LTBP1: variants seen among roughly 807,000 people sequenced by gnomAD.
LTBP1 encodes the protein latent-transforming growth factor beta-binding protein 1.
LTBP1 carries 129 observed loss-of-function variants against 207.6 expected under a neutral mutation model. The ratio of observed to expected loss-of-function variants is 0.62; its 90% CI spans 0.54 to 0.72. The LOEUF (loss-of-function observed/expected upper bound fraction) is 0.72. Ranked by LOEUF, LTBP1 falls within the 30% of genes least tolerant of loss-of-function variation. The pLI, the probability that LTBP1 is intolerant of heterozygous loss-of-function variation, is 0.00. For missense variants in LTBP1, 2,281 were observed against 2,217.2 expected, an observed-to-expected ratio of 1.03 and a Z score of -0.58; for synonymous variants, 963 against 833.7, an observed-to-expected ratio of 1.16 and a Z score of -2.67.
chr2:33,125,628 C>T (rs151281124), intron 4 of LTBP1, among the ~76,000 whole-genome samples: 2 of 152,024 alleles, frequency 1.3e-5, no homozygotes, highest in African/African-American at 4.8e-5. Flanking sequence ...GTCAGGACTT[C>T]GAGACCAGCC....
intron 28 of LTBP1, among the ~76,000 whole-genome samples, chr2:33,362,970 T>C (rs2094943618): frequency 6.6e-6 from 1 of 152,186 alleles, no homozygotes; most frequent in South Asian, 2.1e-4. Flanking sequence ...AAGACTTGCA[T>C]TCAAGTTCCA....
intron 8 of LTBP1, among the ~76,000 whole-genome samples, chr2:33,219,539 C>CT (rs922492154): frequency 1.3e-3 from 187 of 147,346 alleles, no homozygotes; most frequent in African/African-American, 3.1e-3. Context: ...GCGTTGCCAT[C>CT]TTTTTTTTTT....
chr2:33,354,683 TACACACAC>T (rs71409608), intron 26 of LTBP1, among the ~76,000 whole-genome samples: 5,256 of 139,728 alleles, frequency 0.038, 112 homozygotes, highest in African/African-American at 0.062. Flanking sequence ...ACTAAAACTA[TACACACAC>T]ACACACACAC....
chr2:33,261,413 A>G (rs2093005708), intron 13 of LTBP1, among the ~76,000 whole-genome samples: 1 of 152,226 alleles, frequency 6.6e-6, no homozygotes, highest in Non-Finnish European at 1.5e-5. Flanking sequence ...GGGAAAAACT[A>G]TTAAGTGCTC....
At chr2:33,157,277 G>A (rs1288695364) in intron 5 of LTBP1, among the ~76,000 whole-genome samples, 2 of 152,174 alleles carry the variant, frequency 1.3e-5, no homozygotes, top group African/African-American at 4.8e-5. Context: ...AGGATTAAGA[G>A]CTTTGAAGGC....
chr2:33,065,405 T>G (rs979763270), intron 3 of LTBP1, among the ~76,000 whole-genome samples: 1 of 151,988 alleles, frequency 6.6e-6, no homozygotes, highest in Non-Finnish European at 1.5e-5. Context: ...AATAAAAATA[T>G]TAGCTGGGTG....
chr2:33,367,632 A>G lies in LTBP1; in HGVS notation c.4711+2129A>G, dbSNP rs76427023. ...GACTTTCTGCTTCTGAGTAATTTCA[A>G]TTAGGATAGTGACCTCCAGTTCCGC... is the stretch of plus-strand genomic sequence containing the variant. On this transcript the variant is annotated intron_variant, in intron 31 of 33. Coordinates refer to ENST00000404816, the MANE Select transcript of LTBP1 (RefSeq NM_206943.4). Among the ~76,000 whole-genome samples, 1,268 of 152,244 alleles carry G rather than the reference A, an allele frequency of 8.3e-3. 19 individuals carry two copies. Among genetic ancestry groups the G allele is most frequent in the African/African-American group, 0.028 (1,144 of 41,534 alleles).
chr2:33,050,560 T>A (rs1558564683), intron 3 of LTBP1, among the ~76,000 whole-genome samples: 1 of 152,006 alleles, frequency 6.6e-6, no homozygotes, highest in Non-Finnish European at 1.5e-5. Context: ...TTAAAAAAAA[T>A]AGGAGAGGAT....
At position 33,397,217 on chromosome 2, in the gene LTBP1, A is replaced by G. The variant is rs1268281474; in HGVS notation, c.4919A>G (p.Gln1640Arg). 2 of 1,614,218 alleles carry G rather than the reference A, an allele frequency of 1.2e-6. No individual in the cohort carries two copies. Among genetic ancestry groups the G allele is most frequent in the Non-Finnish European group, 1.7e-6 (2 of 1,180,012 alleles). Residue 1640 changes from glutamine to arginine, a missense_variant, in exon 33 of 34, where the codon CAG (glutamine) becomes CGG (arginine). Physicochemically the swap from Gln to Arg is conservative, Grantham distance 43. Around this residue, in one of 3 missense-constraint regions of LTBP1, gnomAD observed 1,671 missense variants for 1,634.8 expected, o/e 1.02. Coordinates refer to ENST00000404816, the MANE Select transcript of LTBP1 (RefSeq NM_206943.4). The part of the protein sequence containing the change: ...GCENGRCVRV[Q>R]EGYTCDCFDG... Reference sequence around the variant, plus strand: ...GAAAATGGTCGCTGTGTGAGGGTCCAGGAAGGTTACACCTGCGATTGCTTT... The same window carrying G: ...GAAAATGGTCGCTGTGTGAGGGTCCGGGAAGGTTACACCTGCGATTGCTTT...
chr2:32,955,271 C>T (rs1424653382), intron 2 of LTBP1, among the ~76,000 whole-genome samples: 2 of 152,142 alleles, frequency 1.3e-5, no homozygotes, highest in African/African-American at 2.4e-5. Flanking sequence ...TGGGATAGCT[C>T]GGATTTGAAG....
At chr2:32,993,795 A>T (rs1684813181) in intron 2 of LTBP1, among the ~76,000 whole-genome samples, 1 of 152,188 alleles carries the variant, frequency 6.6e-6, no homozygotes, top group Non-Finnish European at 1.5e-5. Context: ...GAGGAAACTG[A>T]GGCCTAGGCC....
chr2:33,107,362 G>A (rs114293587), intron 3 of LTBP1, among the ~76,000 whole-genome samples: 5,055 of 152,022 alleles, frequency 0.033, 90 homozygotes, highest in African/African-American at 0.047. Context: ...AGGGTTTCTC[G>A]GTGCACTTTG....
intron 4 of LTBP1, among the ~76,000 whole-genome samples, chr2:33,130,300 C>T (rs1261022536): frequency 6.6e-6 from 1 of 152,114 alleles, no homozygotes; most frequent in East Asian, 1.9e-4. Context: ...TGCTTCTTCC[C>T]AGAGGATATT....
At chr2:33,181,498 T>C (rs1404339237) in intron 5 of LTBP1, among the ~76,000 whole-genome samples, 1 of 152,212 alleles carries the variant, frequency 6.6e-6, no homozygotes, top group Non-Finnish European at 1.5e-5. Flanking sequence ...TTTTGACCTT[T>C]TACAGTTGTA....
intron 9 of LTBP1, among the ~76,000 whole-genome samples, chr2:33,242,469 A>G (rs2149758228): frequency 6.6e-6 from 1 of 152,114 alleles, no homozygotes; most frequent in African/African-American, 2.4e-5. Flanking sequence ...GCTACTGGGT[A>G]TTTCTACTTG....
At chr2:33,248,133 G>C (rs1429255735) in intron 10 of LTBP1, among the ~76,000 whole-genome samples, 1 of 152,214 alleles carries the variant, frequency 6.6e-6, no homozygotes, top group East Asian at 1.9e-4. Flanking sequence ...TGGCCCGGAG[G>C]TGAGACAGAT....
At chr2:33,166,067 G>GTTTTTTT (rs143905437) in intron 5 of LTBP1, among the ~76,000 whole-genome samples, 2 of 140,844 alleles carry the variant, frequency 1.4e-5, no homozygotes. Flanking sequence ...AGTAATGTAT[G>GTTTTTTT]TTTTTTTTTT....
intron 26 of LTBP1, among the ~76,000 whole-genome samples, chr2:33,354,667 T>C (rs1375899922): frequency 6.9e-6 from 1 of 144,322 alleles, no homozygotes; most frequent in African/African-American, 2.6e-5. Context: ...TCAATCAAAG[T>C]GACAAACTAA....
chr2:33,048,471 C>A (rs1330688647), intron 3 of LTBP1, among the ~76,000 whole-genome samples: 3 of 152,176 alleles, frequency 2.0e-5, no homozygotes, highest in Admixed American at 2.0e-4. Context: ...TGCCTAATAG[C>A]ATTGCTTTCC....
Sources: gnomAD v4.1 joint callset for allele counts (sites outside exome capture counted in the v4.1 genomes callset) on GRCh38, gnomAD v4.1.1 for gene constraint, gnomAD v4.1.1 regional missense constraint, MANE v1.5 for transcripts, NCBI Gene and HGNC (gene_info 2026-07-23, HGNC 2026-07-21) for gene names.